Variants in HECW1 observed in about 807,000 individuals in gnomAD.
HECW1 encodes HECT, C2 and WW domain containing E3 ubiquitin protein ligase 1.
HECW1 carries 61 observed loss-of-function variants against 182.3 expected under a neutral mutation model. The observed-to-expected ratio is 0.33, with a 90% CI of 0.27 to 0.41. The LOEUF (loss-of-function observed/expected upper bound fraction) is 0.41. Among genes scored for constraint, HECW1 ranks in the 10% least tolerant of loss-of-function variants. The probability of loss-of-function intolerance (pLI) is 1.00; values close to 1 mark genes in which losing one functional copy is unlikely to be tolerated. For missense variants in HECW1, 1,739 were observed against 2,108.9 expected, an observed-to-expected ratio of 0.82 and a Z score of 3.44; for synonymous variants, 859 against 832.6, an observed-to-expected ratio of 1.03 and a Z score of -0.55.
Position 43,438,005 on chromosome 7 carries a change from A to G in HECW1, c.804A>G (p.Gln268=), listed in dbSNP as rs368494869. 1.4e-5 allele frequency: 22 copies of G among 1,614,048 alleles called. No individual in the cohort carries two copies. In the African/African-American group the frequency reaches 2.5e-4, roughly 19 times the overall value. The change falls in exon 9 of 30, where the codon CAA becomes CAG. Residue 268 remains glutamine, a splice_region_variant and synonymous_variant. Coordinates refer to ENST00000395891, the MANE Select transcript of HECW1 (RefSeq NM_015052.5). ...NTVNPIWQAE[Q]FSFVSLPTDV... ...TGTGACATATTCTTTCATTGCAGCA[A>G]TTCAGTTTTGTGTCCTTGCCCACTG...
intron 17 of HECW1, among the ~76,000 whole-genome samples, chr7:43,487,220 A>AT (rs757499121): frequency 2.6e-5 from 4 of 152,110 alleles, no homozygotes; most frequent in Non-Finnish European, 4.4e-5. Context: ...AAAACATGCA[A>AT]TTTTCAATCA....
At chr7:43,319,865 G>A (rs991103957) in intron 4 of HECW1, among the ~76,000 whole-genome samples, 14 of 145,700 alleles carry the variant, frequency 9.6e-5, no homozygotes, top group African/African-American at 3.4e-4. Flanking sequence ...TTCCCACCTC[G>A]GCCTCTCAAA....
At chr7:43,519,647 G>GCAA (rs1169923081) in intron 24 of HECW1, among the ~76,000 whole-genome samples, 1 of 152,174 alleles carries the variant, frequency 6.6e-6, no homozygotes, top group Admixed American at 6.5e-5. Flanking sequence ...CAATGCAAAT[G>GCAA]TCCATCGGCA....
At chr7:43,529,876 C>G (rs1362762616) in intron 24 of HECW1, among the ~76,000 whole-genome samples, 1 of 152,172 alleles carries the variant, frequency 6.6e-6, no homozygotes, top group Non-Finnish European at 1.5e-5. Context: ...ACCAGCACTG[C>G]CCTTTCCATG....
intron 16 of HECW1, among the ~76,000 whole-genome samples, chr7:43,474,699 A>G (rs1028841427): frequency 6.6e-6 from 1 of 152,334 alleles, no homozygotes; most frequent in African/African-American, 2.4e-5. Context: ...TTTAAATAAT[A>G]TAACTTTATG....
intron 4 of HECW1, among the ~76,000 whole-genome samples, chr7:43,316,424 C>A (rs12670602): frequency 0.28 from 43,266 of 151,990 alleles, 6,439 homozygotes; most frequent in East Asian, 0.51. Context: ...AGATTCTAAG[C>A]AGAAATAGCT....
At chr7:43,185,842 A>G (rs990252777) in intron 2 of HECW1, among the ~76,000 whole-genome samples, 1 of 152,218 alleles carries the variant, frequency 6.6e-6, no homozygotes, top group Non-Finnish European at 1.5e-5. Context: ...ATTTTAAGTT[A>G]TATAATTTAA....
At chr7:43,441,314 A>G (rs1299243120) in intron 9 of HECW1, among the ~76,000 whole-genome samples, 1 of 152,140 alleles carries the variant, frequency 6.6e-6, no homozygotes, top group Non-Finnish European at 1.5e-5. Flanking sequence ...ATTGGTGTTA[A>G]GTGGAACTCA....
chr7:43,474,428 G>A (rs185980801), intron 16 of HECW1, among the ~76,000 whole-genome samples: 10 of 152,210 alleles, frequency 6.6e-5, no homozygotes, highest in East Asian at 1.9e-4. Flanking sequence ...CAGCCTGAGC[G>A]ACAGAGCGAG....
intron 12 of HECW1, among the ~76,000 whole-genome samples, chr7:43,455,590 T>C (rs2077374568): frequency 6.6e-6 from 1 of 152,348 alleles, no homozygotes. Flanking sequence ...AGCTGTCGTT[T>C]GAGTAGCCAA....
Position 43,444,274 on chromosome 7 carries a change from C to A in HECW1, c.1102C>A (p.Pro368Thr). 6 of 1,614,066 alleles carry A rather than the reference C, an allele frequency of 3.7e-6. No homozygotes were observed. The highest frequency in any genetic ancestry group is 4.2e-6 in the Non-Finnish European group (5 of 1,179,956). The change falls in exon 11 of 30, where the codon CCC becomes ACC. Residue 368 changes from proline (P) to threonine (T), a missense_variant. Around this residue, in one of 5 missense-constraint regions of HECW1, gnomAD observed 66 missense variants for 113.8 expected, o/e 0.58. Transcript: ENST00000395891. This position sits in a 1 kb window ranked among gnomAD's most constrained non-coding sequence, Gnocchi z 4.3. The part of the protein sequence containing the change: ...EPESAQIQDS[P>T]MNNLMESGSG... ...TGAGTCAGCCCAAATTCAGGACAGC[C>A]CCATGAACAACCTGATGGAAAGCGG...
At chr7:43,234,735 C>T (rs1798167673) in intron 2 of HECW1, among the ~76,000 whole-genome samples, 1 of 152,124 alleles carries the variant, frequency 6.6e-6, no homozygotes, top group Admixed American at 6.6e-5. Context: ...TTTTTGGTTG[C>T]TCTCTTTCCC....
chr7:43,160,889 TGTC>T (rs1313124172), intron 2 of HECW1, among the ~76,000 whole-genome samples: 2 of 152,166 alleles, frequency 1.3e-5, no homozygotes, highest in Non-Finnish European at 2.9e-5. Flanking sequence ...CTTTTACAGT[TGTC>T]GTATTTATTT....
chr7:43,363,128 T>C (rs1468882309), intron 6 of HECW1, among the ~76,000 whole-genome samples: 1 of 152,242 alleles, frequency 6.6e-6, no homozygotes, highest in Non-Finnish European at 1.5e-5. Flanking sequence ...TGACACATCA[T>C]CACAGTGTTG....
At chr7:43,142,709 G>T (rs1788293901) in intron 2 of HECW1, among the ~76,000 whole-genome samples, 1 of 152,204 alleles carries the variant, frequency 6.6e-6, no homozygotes, top group South Asian at 2.1e-4. Context: ...AACAGTTCCT[G>T]GAGGATCTAG....
chr7:43,439,426 C>T (rs2076810126), intron 9 of HECW1: 1 of 152,276 alleles, frequency 6.6e-6, no homozygotes, highest in African/African-American at 2.4e-5. Context: ...TCTCAGGGTT[C>T]CTAGGACTGA....
intron 8 of HECW1, among the ~76,000 whole-genome samples, chr7:43,418,991 A>G (rs940539615): frequency 6.6e-6 from 1 of 152,206 alleles, no homozygotes; most frequent in Non-Finnish European, 1.5e-5. Context: ...GGCACCTCAG[A>G]TCTCAGTTCA....
chr7:43,285,092 T>A (rs1177139120), intron 3 of HECW1, among the ~76,000 whole-genome samples: 1 of 152,046 alleles, frequency 6.6e-6, no homozygotes, highest in African/African-American at 2.4e-5. Flanking sequence ...ATGGACCAGC[T>A]CTTTTTAAAA....
rs980015638 is a variant in HECW1, at chr7:43,204,460, A to G, written c.-31-39415A>G. On this transcript the variant is annotated intron_variant, in intron 2 of 29. Transcript: ENST00000395891. The stretch of plus-strand genomic sequence containing the variant: ...CAGAGTGCAAATCAAGTGAAAAAAA[A>G]TCTTATGTTCATTTATTCATTATGT... Among the ~76,000 whole-genome samples, 6 of 152,334 alleles carry G rather than the reference A, an allele frequency of 3.9e-5. No homozygotes were observed. In the East Asian group the frequency reaches 9.6e-4, roughly 24 times the overall value.
Sources: gnomAD v4.1 joint callset for allele counts (sites outside exome capture counted in the v4.1 genomes callset) on GRCh38, gnomAD v4.1.1 for gene constraint, gnomAD v4.1.1 regional missense constraint, Gnocchi (gnomAD v3.1) non-coding constraint, MANE v1.5 for transcripts, NCBI Gene and HGNC (gene_info 2026-07-23, HGNC 2026-07-21) for gene names.